Variants in PTK7 observed in about 807,000 individuals in gnomAD.
The protein encoded by PTK7 is protein tyrosine kinase 7 (inactive).
A neutral mutation model predicts 116.6 loss-of-function variants in PTK7; 39 were observed. The observed-to-expected ratio is 0.33, with a 90% CI of 0.26 to 0.44. The LOEUF (loss-of-function observed/expected upper bound fraction) is 0.44. Ranked by LOEUF, PTK7 falls within the 20% of genes least tolerant of loss-of-function variation. The pLI is 1.00. For synonymous variants in PTK7, 546 were observed against 563.6 expected (o/e 0.97, Z 0.44); for missense variants, 1,169 against 1,425.6 (o/e 0.82, Z 2.90).
Position 43,151,703 on chromosome 6 carries a change from A to AT in PTK7, c.2721+5012dup, listed in dbSNP as rs1159260114. 3.5e-5 allele frequency among the ~76,000 whole-genome samples: 5 copies of AT among 144,202 alleles called. No homozygotes were observed. The Middle Eastern group carries it at 0.012, about 335-fold the overall frequency. 94.6% of individuals were successfully genotyped at this position (144,202 alleles called of 152,430 possible). A position where few individuals can be genotyped will look rare whatever the true frequency, so the allele number is the denominator to read the frequency against. On this transcript the variant is annotated intron_variant, in intron 17 of 19. Transcript: ENST00000230419. ...AGGCGCCCGCCACCATGCCCGGCTA[A>AT]TTTTTTTGTATTTTTAGTGGAGACG...
intron 17 of PTK7, among the ~76,000 whole-genome samples, chr6:43,149,824 T>A (rs904620529): frequency 1.3e-5 from 2 of 152,210 alleles, no homozygotes; most frequent in African/African-American, 4.8e-5. Flanking sequence ...ATTTTTATTT[T>A]TTGTAGAAAT....
In PTK7 at chr6:43,081,692, A is replaced by G. The variant is rs1766390425; in HGVS notation, c.79+5125A>G. ...AGTGCTGGGATTACAGGCGTGAGCC[A>G]CTGCACCCAGCCGATATAACAGGTC... On this transcript the variant is annotated intron_variant, in intron 1 of 19. Coordinates refer to ENST00000230419, the MANE Select transcript of PTK7 (RefSeq NM_002821.5). Among the ~76,000 whole-genome samples, 5 of 152,352 alleles carry G rather than the reference A, an allele frequency of 3.3e-5. No individual in the cohort carries two copies. In the South Asian group the frequency reaches 8.3e-4, roughly 25 times the overall value.
At chr6:43,083,063 G>A (rs1057032992) in intron 1 of PTK7, among the ~76,000 whole-genome samples, 1 of 152,222 alleles carries the variant, frequency 6.6e-6, no homozygotes, top group Non-Finnish European at 1.5e-5. Context: ...CTGGGATAGA[G>A]GTTGGCCGGT....
intron 1 of PTK7, among the ~76,000 whole-genome samples, chr6:43,093,994 A>C (rs1767098732): frequency 6.6e-6 from 1 of 152,222 alleles, no homozygotes; most frequent in South Asian, 2.1e-4. Flanking sequence ...GGGTGAAGTT[A>C]AAGTTATACT....
chr6:43,081,547 G>T (rs1279267887), intron 1 of PTK7, among the ~76,000 whole-genome samples: 20 of 152,112 alleles, frequency 1.3e-4, no homozygotes, highest in Non-Finnish European at 4.4e-5. Flanking sequence ...TGGGTTTACA[G>T]GTGTGTGCCA....
At chr6:43,126,198 T>C (rs1408115097) in intron 1 of PTK7, among the ~76,000 whole-genome samples, 1 of 152,112 alleles carries the variant, frequency 6.6e-6, no homozygotes, top group Non-Finnish European at 1.5e-5. Context: ...TGCGTAGCTG[T>C]AATCCCAGCT....
Position 43,159,605 on chromosome 6 carries a change from G to T in PTK7, c.2874-183G>T, listed in dbSNP as rs990312752. 14 of 616,202 alleles carry T rather than the reference G, an allele frequency of 2.3e-5. No individual in the cohort carries two copies. The South Asian group carries it at 2.3e-4, about 10-fold the overall frequency. The allele number at this position is 616,202 out of a possible 1,614,324, so 38.2% of individuals were successfully genotyped here. ...TTTTAACCATCAAACCTCTCGTGTG[G>T]TTACCTCCAGATTTTGTCTAGTGTA... On this transcript the variant is annotated intron_variant, in intron 18 of 19. Coordinates refer to ENST00000230419, the MANE Select transcript of PTK7 (RefSeq NM_002821.5).
intron 17 of PTK7, among the ~76,000 whole-genome samples, chr6:43,152,037 C>CG (rs1464318126): frequency 3.3e-5 from 5 of 151,590 alleles, no homozygotes; most frequent in Middle Eastern, 3.4e-3. Flanking sequence ...TTAGTAGAGA[C>CG]GGGGTTTCAT....
intron 7 of PTK7, among the ~76,000 whole-genome samples, chr6:43,135,956 G>C (rs996272012): frequency 6.6e-6 from 1 of 152,156 alleles, no homozygotes; most frequent in African/African-American, 2.4e-5. Flanking sequence ...TTGGGAGGCC[G>C]AGGCAGGTGG....
chr6:43,123,157 A>G (rs534039870), intron 1 of PTK7, among the ~76,000 whole-genome samples: 1 of 151,452 alleles, frequency 6.6e-6, no homozygotes, highest in African/African-American at 2.4e-5. Context: ...TTCTTTTACC[A>G]TGTTGGCCAA....
At position 43,132,057 on chromosome 6, in the gene PTK7, C is replaced by A; in HGVS notation, c.854C>A (p.Ser285Tyr). Residue 285 changes from serine to tyrosine, a missense_variant, in exon 6 of 20, where the codon TCT (serine) becomes TAT (tyrosine). Physicochemically the swap from Ser to Tyr is moderately radical, Grantham distance 144 (BLOSUM62 -2). This residue lies in a region of PTK7 where 487 missense variants were observed against 549.8 expected (regional missense o/e 0.89). Coordinates refer to ENST00000230419, the MANE Select transcript of PTK7 (RefSeq NM_002821.5). ...AGAGCCACAGTGTTTGCCAACGGGT[C>A]TCTGCTGCTGACCCAGGTCCGGCCA... ...LRRATVFANG[S>Y]LLLTQVRPRN... 1 of 1,614,120 alleles carries A rather than the reference C, an allele frequency of 6.2e-7. No individual in the cohort carries two copies. Among genetic ancestry groups the A allele is most frequent in the South Asian group, 1.1e-5 (1 of 91,084 alleles).
intron 1 of PTK7, among the ~76,000 whole-genome samples, chr6:43,090,166 G>A (rs1582066913): frequency 6.6e-6 from 1 of 152,228 alleles, no homozygotes; most frequent in African/African-American, 2.4e-5. Context: ...CCAGAAAGGG[G>A]TAGGAGAGCG....
rs1296202944 is a variant in PTK7 at position 43,118,647 on chromosome 6, CTCTCTCTCTCTCTATA to C, written c.80-10328_80-10313del. Among the ~76,000 whole-genome samples, 678 of 87,646 alleles carry C rather than the reference CTCTCTCTCTCTCTATA, an allele frequency of 7.7e-3. 5 individuals are homozygous for C. The highest frequency in any genetic ancestry group is 0.013 in the African/African-American group (233 of 17,648). The allele number at this position is 87,646 out of a possible 152,430, so 57.5% of individuals were successfully genotyped here. On this transcript the variant is annotated intron_variant, in intron 1 of 19. Coordinates refer to ENST00000230419, the MANE Select transcript of PTK7 (RefSeq NM_002821.5). ...TCTCTCTCTCTCTCTCTCTCTCTCT[CTCTCTCTCTCTCTATA>C]TATATATATATATATATATATATAT... is the stretch of plus-strand genomic sequence containing the variant.
chr6:43,091,155 T>C (rs1176991376), intron 1 of PTK7, among the ~76,000 whole-genome samples: 1 of 103,026 alleles, frequency 9.7e-6, no homozygotes, highest in Non-Finnish European at 1.9e-5. Flanking sequence ...CGGTTTCCTC[T>C]TTTTTTTTTT....
At chr6:43,087,090 T>G (rs754069783) in intron 1 of PTK7, among the ~76,000 whole-genome samples, 1 of 152,202 alleles carries the variant, frequency 6.6e-6, no homozygotes, top group Non-Finnish European at 1.5e-5. Flanking sequence ...AAGTGAGCCC[T>G]CTTCACTACT....
chr6:43,119,353 TTAAAC>T (rs1480066148), intron 1 of PTK7, among the ~76,000 whole-genome samples: 5 of 152,148 alleles, frequency 3.3e-5, no homozygotes, highest in Non-Finnish European at 7.4e-5. Flanking sequence ...AAATTAATCA[TTAAAC>T]TAAGGCTACA....
chr6:43,126,104 G>A (rs1769271586), intron 1 of PTK7, among the ~76,000 whole-genome samples: 1 of 152,140 alleles, frequency 6.6e-6, no homozygotes, highest in Non-Finnish European at 1.5e-5. Flanking sequence ...TGGATCACTT[G>A]AGGTCAGGAG....
Position 43,116,864 on chromosome 6 carries a change from C to T in PTK7, c.80-12113C>T, listed in dbSNP as rs1250829257. ...TTTGAGACTCAGTTTCGCTGTATCG[C>T]CCAGGCTGGAGTGCAGTGGTGCGAC... On this transcript the variant is annotated intron_variant, in intron 1 of 19. Coordinates refer to ENST00000230419, the MANE Select transcript of PTK7 (RefSeq NM_002821.5). Among the ~76,000 whole-genome samples, 3 of 152,074 alleles carry T rather than the reference C, an allele frequency of 2.0e-5. No individual in the cohort carries two copies. The East Asian group carries it at 5.8e-4, about 29-fold the overall frequency.
chr6:43,106,727 C>A (rs1312271536), intron 1 of PTK7, among the ~76,000 whole-genome samples: 1 of 143,494 alleles, frequency 7.0e-6, no homozygotes, highest in Non-Finnish European at 1.5e-5. Context: ...GATCTCGACT[C>A]ATGGCAACCT....
Sources: allele counts gnomAD v4.1 joint callset (sites outside exome capture counted in the v4.1 genomes callset), GRCh38; gene constraint gnomAD v4.1.1; regional missense constraint gnomAD v4.1.1; transcripts MANE v1.5; gene names NCBI Gene and HGNC (gene_info 2026-07-23, HGNC 2026-07-21).